The following SKAP1 variants were observed in gnomAD, a reference collection of about 807,000 sequenced individuals.
The protein encoded by SKAP1 is src kinase-associated phosphoprotein 1.
A neutral mutation model predicts 58.5 loss-of-function variants in SKAP1; 44 were observed. The observed-to-expected ratio is 0.75, with a 90% CI of 0.59 to 0.97. The LOEUF (loss-of-function observed/expected upper bound fraction) is 0.97. Among genes scored for constraint, SKAP1 ranks in the 50% least tolerant of loss-of-function variants. The pLI, the probability that SKAP1 is intolerant of heterozygous loss-of-function variation, is 0.00. For synonymous variants in SKAP1, 127 were observed against 149.7 expected (o/e 0.85, Z 1.11); for missense variants, 390 against 435.2 (o/e 0.90, Z 0.92).
intron 11 of SKAP1, among the ~76,000 whole-genome samples, chr17:48,154,146 A>G (rs2063939880): frequency 6.6e-6 from 1 of 152,220 alleles, no homozygotes; most frequent in Non-Finnish European, 1.5e-5. Flanking sequence ...TAAAACTCCC[A>G]TTATAATTGA....
chr17:48,344,200 G>A, intron 4 of SKAP1: 1 of 412,650 alleles, frequency 2.4e-6, no homozygotes, highest in East Asian at 1.6e-4. Flanking sequence ...ATTATTCTTA[G>A]ATAAATTTTA....
At chr17:48,207,518 T>C (rs1312868414) in intron 4 of SKAP1, among the ~76,000 whole-genome samples, 1 of 151,178 alleles carries the variant, frequency 6.6e-6, no homozygotes, top group Non-Finnish European at 1.5e-5. Context: ...AAAATTTACA[T>C]AAAGTTATAT....
chr17:48,364,631 C>T (rs1306968958), intron 2 of SKAP1, among the ~76,000 whole-genome samples: 7 of 152,072 alleles, frequency 4.6e-5, no homozygotes, highest in Non-Finnish European at 1.0e-4. Context: ...GCTAAGATCG[C>T]GCCATTGCAC....
intron 1 of SKAP1, among the ~76,000 whole-genome samples, chr17:48,405,741 G>A (rs978211711): frequency 6.6e-6 from 1 of 151,442 alleles, no homozygotes; most frequent in African/African-American, 2.4e-5. Flanking sequence ...CAGGTTATCC[G>A]TCCGTCTCGG....
chr17:48,261,613 G>C (rs571671205), intron 4 of SKAP1, among the ~76,000 whole-genome samples: 1 of 152,242 alleles, frequency 6.6e-6, no homozygotes, highest in Non-Finnish European at 1.5e-5. Flanking sequence ...GCAGTGATCA[G>C]AGTCATGGGG....
intron 7 of SKAP1, among the ~76,000 whole-genome samples, chr17:48,182,732 C>T (rs1489190916): frequency 1.3e-5 from 2 of 152,194 alleles, no homozygotes; most frequent in Admixed American, 6.5e-5. Flanking sequence ...CTTCATCAGA[C>T]ATTTATTTGA....
chr17:48,303,675 CA>C (rs35343262), intron 4 of SKAP1, among the ~76,000 whole-genome samples: 2 of 152,022 alleles, frequency 1.3e-5, no homozygotes, highest in Non-Finnish European at 2.9e-5. Context: ...AGTTTTCTGA[CA>C]AAATATCTGT....
chr17:48,338,563 C>A (rs2066607065), intron 4 of SKAP1, among the ~76,000 whole-genome samples: 1 of 152,038 alleles, frequency 6.6e-6, no homozygotes, highest in Non-Finnish European at 1.5e-5. Flanking sequence ...GAATTTAACC[C>A]AAATGTATGG....
intron 4 of SKAP1, among the ~76,000 whole-genome samples, chr17:48,294,173 T>C (rs2065933898): frequency 6.6e-6 from 1 of 152,146 alleles, no homozygotes; most frequent in South Asian, 2.1e-4. Context: ...ATTAATCTAA[T>C]GGAGTAAAGT....
intron 4 of SKAP1, among the ~76,000 whole-genome samples, chr17:48,272,869 A>G (rs1021685866): frequency 6.6e-6 from 1 of 152,204 alleles, no homozygotes; most frequent in Non-Finnish European, 1.5e-5. Context: ...AGAGGATCTT[A>G]TTTTCATAAA....
chr17:48,423,605 A>C (rs1403850588), intron 1 of SKAP1, among the ~76,000 whole-genome samples: 1 of 152,172 alleles, frequency 6.6e-6, no homozygotes, highest in Non-Finnish European at 1.5e-5. Context: ...ATTTAATTTA[A>C]TTAATAATTT....
intron 4 of SKAP1, among the ~76,000 whole-genome samples, chr17:48,266,059 ACATCACT>A (rs1220645009): frequency 2.0e-5 from 3 of 152,098 alleles, no homozygotes; most frequent in Non-Finnish European, 4.4e-5. Flanking sequence ...GGTTTGGCTG[ACATCACT>A]GTATGATTAT....
intron 4 of SKAP1, among the ~76,000 whole-genome samples, chr17:48,221,131 G>A (rs1190414667): frequency 6.6e-6 from 1 of 151,908 alleles, no homozygotes; most frequent in Non-Finnish European, 1.5e-5. Context: ...GCTGGGCATG[G>A]TGATGCACAT....
chr17:48,265,355 A>C (rs1467809363), intron 4 of SKAP1, among the ~76,000 whole-genome samples: 6 of 152,138 alleles, frequency 3.9e-5, no homozygotes, highest in Non-Finnish European at 8.8e-5. Flanking sequence ...AATACAAAAA[A>C]TTAGCCCGGC....
chr17:48,171,935 C>T (rs917487874), intron 9 of SKAP1, among the ~76,000 whole-genome samples: 11 of 152,092 alleles, frequency 7.2e-5, no homozygotes, highest in Admixed American at 2.0e-4. Flanking sequence ...TGGCGGGCGC[C>T]TGTAACCCCG....
chr17:48,336,261 A>G (rs564316311), intron 4 of SKAP1, among the ~76,000 whole-genome samples: 1 of 152,258 alleles, frequency 6.6e-6, no homozygotes, highest in African/African-American at 2.4e-5. Context: ...CAATACCAAC[A>G]TCTAATAAAC....
At chr17:48,345,820 T>C in intron 4 of SKAP1, 85 bp downstream of exon 4, 6 of 906,056 alleles carry the variant, frequency 6.6e-6, no homozygotes, top group Non-Finnish European at 8.9e-6. Context: ...GGCTGCTAGA[T>C]ACAAAAATGA....
intron 4 of SKAP1, among the ~76,000 whole-genome samples, chr17:48,248,460 A>T (rs1413738545): frequency 6.6e-6 from 1 of 152,080 alleles, no homozygotes; most frequent in Non-Finnish European, 1.5e-5. Context: ...CCAGCTACTC[A>T]TGAGGCTGAG....
intron 4 of SKAP1, among the ~76,000 whole-genome samples, chr17:48,329,778 T>C (rs938614269): frequency 2.6e-5 from 4 of 152,102 alleles, no homozygotes; most frequent in Admixed American, 1.3e-4. Flanking sequence ...ATACTAGAAA[T>C]AATATGGGTT....
Sources: allele counts gnomAD v4.1 joint callset (sites outside exome capture counted in the v4.1 genomes callset), GRCh38; gene constraint gnomAD v4.1.1; transcripts MANE v1.5; gene names NCBI Gene and HGNC (gene_info 2026-07-23, HGNC 2026-07-21).